Variants in ARHGAP26 observed in about 807,000 individuals in gnomAD.
ARHGAP26 encodes the protein rho GTPase-activating protein 26.
ARHGAP26 carries 38 observed loss-of-function variants against 104.8 expected under a neutral mutation model. That is an observed-to-expected ratio of 0.36 (90% CI 0.28 to 0.48). ARHGAP26 has a LOEUF of 0.48. ARHGAP26 is among the 20% of genes least tolerant of loss of function. The pLI is 0.99. For synonymous variants in ARHGAP26, 341 were observed against 340.0 expected (o/e 1.00, Z -0.03); for missense variants, 704 against 947.9 (o/e 0.74, Z 3.38).
intron 20 of ARHGAP26, among the ~76,000 whole-genome samples, chr5:143,195,135 C>T (rs181458917): frequency 1.3e-5 from 2 of 152,246 alleles, no homozygotes; most frequent in African/African-American, 4.8e-5. Flanking sequence ...AAGTTCATCT[C>T]TCTTTCTCTC....
intron 10 of ARHGAP26, among the ~76,000 whole-genome samples, chr5:142,916,117 T>C (rs1201102194): frequency 1.3e-5 from 2 of 152,232 alleles, no homozygotes; most frequent in East Asian, 1.9e-4. Context: ...GGGTTTAAGG[T>C]ACTCCTGGAG....
chr5:142,831,396 T>A (rs1768401471), intron 1 of ARHGAP26, among the ~76,000 whole-genome samples: 1 of 152,262 alleles, frequency 6.6e-6, no homozygotes, highest in African/African-American at 2.4e-5. Context: ...TTCTCCTTGT[T>A]GTCCACAGAA....
At chr5:143,037,631 A>T (rs1179177796) in intron 13 of ARHGAP26, among the ~76,000 whole-genome samples, 1 of 152,238 alleles carries the variant, frequency 6.6e-6, no homozygotes, top group Non-Finnish European at 1.5e-5. Flanking sequence ...GGGAGCAGTG[A>T]TATTTCAAGA....
intron 11 of ARHGAP26, among the ~76,000 whole-genome samples, chr5:142,937,522 A>G (rs1208718907): frequency 6.6e-6 from 1 of 152,244 alleles, no homozygotes; most frequent in African/African-American, 2.4e-5. Flanking sequence ...TTACTCTATG[A>G]CACAGCAATT....
intron 5 of ARHGAP26, 146 bp downstream of exon 5, chr5:142,885,545 C>CATCAGGCA: frequency 1.6e-6 from 1 of 627,228 alleles, no homozygotes; most frequent in Non-Finnish European, 2.8e-6. Flanking sequence ...TCATCCAGTG[C>CATCAGGCA]CTGATGCCTG....
intron 1 of ARHGAP26, among the ~76,000 whole-genome samples, chr5:142,800,209 C>T (rs1383489270): frequency 6.6e-6 from 1 of 152,098 alleles, no homozygotes; most frequent in East Asian, 1.9e-4. Flanking sequence ...AAAGATTGAG[C>T]CTTTAAAGGG....
intron 20 of ARHGAP26, among the ~76,000 whole-genome samples, chr5:143,191,012 T>C (rs1236762387): frequency 6.6e-6 from 1 of 152,192 alleles, no homozygotes; most frequent in African/African-American, 2.4e-5. Context: ...TGCAGATCAG[T>C]GGTTGCCTGT....
intron 9 of ARHGAP26, among the ~76,000 whole-genome samples, chr5:142,910,787 A>G (rs1184134449): frequency 1.3e-5 from 2 of 152,196 alleles, no homozygotes; most frequent in Non-Finnish European, 2.9e-5. Context: ...TATGTTGCCC[A>G]GGCTGGCCTC....
chr5:142,787,765 A>G (rs1758961225), intron 1 of ARHGAP26, among the ~76,000 whole-genome samples: 2 of 152,244 alleles, frequency 1.3e-5, no homozygotes, highest in African/African-American at 4.8e-5. Context: ...GATGGATAAA[A>G]TAAAATGCAA....
In ARHGAP26 at chr5:143,103,160, A is replaced by T. The variant is rs562171399; in HGVS notation, c.1539-17828A>T. The T allele has an allele frequency of 2.5e-5, 21 of 830,390 alleles. 1 individual carries two copies. In the East Asian group the frequency reaches 2.2e-3, roughly 89 times the overall value. 51.4% of individuals were successfully genotyped at this position (830,390 alleles called of 1,614,324 possible). On this transcript the variant is annotated intron_variant, in intron 17 of 22. Coordinates refer to ENST00000645722, the MANE Select transcript of ARHGAP26 (RefSeq NM_001135608.3). ...CCTTGCCTGGTATGTCGTCTTCTTT[A>T]CCTGTTCTTTTGATTTGCTTTGCTG...
intron 1 of ARHGAP26, chr5:142,859,598 T>C (rs563466116): frequency 6.6e-6 from 1 of 152,324 alleles, no homozygotes; most frequent in South Asian, 2.1e-4. Flanking sequence ...AATTATACAA[T>C]CCATATTTCA....
intron 11 of ARHGAP26, among the ~76,000 whole-genome samples, chr5:142,966,749 G>A (rs1208468122): frequency 6.6e-6 from 1 of 152,118 alleles, no homozygotes; most frequent in Non-Finnish European, 1.5e-5. Flanking sequence ...TTTACTTTAA[G>A]TTCTGGGATA....
At chr5:142,779,237 C>T (rs576068849) in intron 1 of ARHGAP26, among the ~76,000 whole-genome samples, 30 of 152,248 alleles carry the variant, frequency 2.0e-4, no homozygotes, top group African/African-American at 6.7e-4. Flanking sequence ...TTTTGTAGCA[C>T]CTCAGAATGG....
chr5:143,041,751 G>A, intron 13 of ARHGAP26, 65 bp from the exon 14 acceptor site: 1 of 1,173,164 alleles, frequency 8.5e-7, no homozygotes, highest in Non-Finnish European at 1.2e-6. Context: ...AGTGCATTTG[G>A]CTGGATTGGC....
At chr5:142,953,230 C>T (rs574892715) in intron 11 of ARHGAP26, among the ~76,000 whole-genome samples, 3 of 152,102 alleles carry the variant, frequency 2.0e-5, no homozygotes, top group Non-Finnish European at 4.4e-5. Flanking sequence ...TTTTGAGCCT[C>T]TGAAATTTAA....
intron 11 of ARHGAP26, among the ~76,000 whole-genome samples, chr5:142,937,246 A>G (rs1187555379): frequency 6.6e-6 from 1 of 152,224 alleles, no homozygotes; most frequent in Non-Finnish European, 1.5e-5. Flanking sequence ...AAAAGGGCAA[A>G]AGACACAAGG....
intron 1 of ARHGAP26, among the ~76,000 whole-genome samples, chr5:142,852,672 T>C (rs1751718144): frequency 6.6e-6 from 1 of 152,194 alleles, no homozygotes; most frequent in Non-Finnish European, 1.5e-5. Flanking sequence ...TTTTCCATGA[T>C]TTGGTCGAGT....
intron 10 of ARHGAP26, among the ~76,000 whole-genome samples, chr5:142,927,351 TCTTCTGA>T (rs979354035): frequency 1.3e-5 from 2 of 151,458 alleles, no homozygotes; most frequent in Admixed American, 1.3e-4. Flanking sequence ...AAAAAATCAC[TCTTCTGA>T]CTTCTGTTGC....
At chr5:142,917,828 C>A (rs1347001545) in intron 10 of ARHGAP26, among the ~76,000 whole-genome samples, 1 of 152,084 alleles carries the variant, frequency 6.6e-6, no homozygotes, top group African/African-American at 2.4e-5. Flanking sequence ...CTGTCACTGT[C>A]CCTAGCTCCA....
Sources: gnomAD v4.1 joint callset for allele counts (sites outside exome capture counted in the v4.1 genomes callset) on GRCh38, gnomAD v4.1.1 for gene constraint, MANE v1.5 for transcripts, NCBI Gene and HGNC (gene_info 2026-07-23, HGNC 2026-07-21) for gene names.